Variants in APP observed in about 807,000 individuals in gnomAD.
The protein encoded by APP is amyloid beta precursor protein.
Under a neutral mutation model 101.4 loss-of-function variants are expected in APP, and 31 were observed. The observed-to-expected ratio is 0.31, with a 90% confidence interval of 0.23 to 0.41. The LOEUF (loss-of-function observed/expected upper bound fraction) is 0.41. Among genes scored for constraint, APP ranks in the 10% least tolerant of loss-of-function variants. The pLI is 1.00. For missense variants in APP, 839 were observed against 1,003.7 expected (o/e 0.84, Z 2.22); for synonymous variants, 366 against 364.4 (o/e 1.00, Z -0.05).
At chr21:26,160,562 A>G (rs1003073752) in intron 1 of APP, among the ~76,000 whole-genome samples, 1 of 152,168 alleles carries the variant, frequency 6.6e-6, no homozygotes, top group African/African-American at 2.4e-5. Flanking sequence ...GAAAAATACA[A>G]TTCTTTTAGA....
intron 1 of APP, among the ~76,000 whole-genome samples, chr21:26,164,777 A>C (rs1328841665): frequency 1.3e-5 from 2 of 150,260 alleles, no homozygotes; most frequent in Non-Finnish European, 3.0e-5. Flanking sequence ...AATCGCTTGA[A>C]CCCAGGAGGC....
chr21:26,015,932 C>T (rs1310428585), intron 6 of APP, among the ~76,000 whole-genome samples: 8 of 152,156 alleles, frequency 5.3e-5, no homozygotes, highest in African/African-American at 1.7e-4. Context: ...TGGGCTGTGC[C>T]TAATAAAACT....
chr21:25,891,943 A>G (rs1417785780), intron 16 of APP, 75 bp from the exon 17 acceptor site: 6 of 1,455,036 alleles, frequency 4.1e-6, no homozygotes, highest in Admixed American at 1.9e-5. Flanking sequence ...CGCAATTAGA[A>G]GAATTTCATT....
At chr21:26,073,393 T>C (rs1353576480) in intron 3 of APP, among the ~76,000 whole-genome samples, 1 of 151,804 alleles carries the variant, frequency 6.6e-6, no homozygotes, top group Non-Finnish European at 1.5e-5. Flanking sequence ...TGAGAGACTG[T>C]GGAGGACACA....
chr21:26,133,246 C>A (rs977729174), intron 1 of APP, among the ~76,000 whole-genome samples: 2 of 152,146 alleles, frequency 1.3e-5, no homozygotes, highest in Non-Finnish European at 2.9e-5. Flanking sequence ...AAAGACAAAA[C>A]AAAACAAAAC....
chr21:26,118,220 T>A (rs2062480327), intron 1 of APP, among the ~76,000 whole-genome samples: 1 of 152,136 alleles, frequency 6.6e-6, no homozygotes, highest in South Asian at 2.1e-4. Context: ...CTCGTGAAAT[T>A]AATAACCAAC....
chr21:26,115,491 A>T (rs1199277250), intron 1 of APP, among the ~76,000 whole-genome samples: 1 of 152,130 alleles, frequency 6.6e-6, no homozygotes, highest in East Asian at 1.9e-4. Flanking sequence ...CAAACAACTC[A>T]CGGCATCCTC....
At chr21:25,925,963 A>C (rs1320593757) in intron 13 of APP, among the ~76,000 whole-genome samples, 2 of 152,212 alleles carry the variant, frequency 1.3e-5, no homozygotes, top group East Asian at 3.9e-4. Flanking sequence ...AACAAACAAC[A>C]AACAAAAAAA....
chr21:26,079,649 A>C (rs1024791420), intron 3 of APP, among the ~76,000 whole-genome samples: 4 of 152,244 alleles, frequency 2.6e-5, no homozygotes, highest in Admixed American at 1.3e-4. Flanking sequence ...AAGTCCTGAA[A>C]ACTTGAGCCT....
intron 9 of APP, 71 bp downstream of exon 9, chr21:25,982,273 G>T (rs891404303): frequency 2.0e-6 from 3 of 1,499,494 alleles, no homozygotes; most frequent in Middle Eastern, 1.7e-4. Context: ...AGGCCTGTGG[G>T]GAGACTGAGG....
intron 8 of APP, among the ~76,000 whole-genome samples, chr21:25,982,974 C>T (rs978967393): frequency 2.1e-4 from 29 of 135,420 alleles, no homozygotes; most frequent in African/African-American, 2.0e-4. Flanking sequence ...AACTGAATTA[C>T]GAAGACAACC....
At chr21:25,955,517 G>A in intron 12 of APP, 110 bp downstream of exon 12, 1 of 1,511,514 alleles carries the variant, frequency 6.6e-7, no homozygotes, top group Non-Finnish European at 9.1e-7. Flanking sequence ...TCTTGCCATA[G>A]GGAAAACACC....
chr21:26,037,084 C>T (rs2045149554), intron 5 of APP, among the ~76,000 whole-genome samples: 1 of 152,150 alleles, frequency 6.6e-6, no homozygotes, highest in Non-Finnish European at 1.5e-5. Context: ...ATGGATGGAA[C>T]TGGAGGACAT....
chr21:25,909,236 C>T (rs958903399), intron 14 of APP, among the ~76,000 whole-genome samples: 1 of 138,430 alleles, frequency 7.2e-6, no homozygotes, highest in Non-Finnish European at 1.5e-5. Flanking sequence ...GCACTCCAGC[C>T]AGCCTGGGCG....
intron 5 of APP, among the ~76,000 whole-genome samples, chr21:26,028,415 T>A (rs1038648920): frequency 6.6e-6 from 1 of 152,066 alleles, no homozygotes; most frequent in African/African-American, 2.4e-5. Flanking sequence ...GGCATCTGAG[T>A]TGGCCGGAAG....
chr21:25,989,861 T>C (rs558927610), intron 8 of APP, among the ~76,000 whole-genome samples: 1 of 152,052 alleles, frequency 6.6e-6, no homozygotes, highest in African/African-American at 2.4e-5. Context: ...AACTTTAATC[T>C]TGAAACATGG....
At chr21:25,890,466 C>T (rs571677930) in intron 17 of APP, among the ~76,000 whole-genome samples, 6 of 152,230 alleles carry the variant, frequency 3.9e-5, no homozygotes, top group East Asian at 1.9e-4. Context: ...GGGGGCCAGA[C>T]GCGGTGGCTC....
chr21:26,028,711 C>CTAG (rs1170492091), intron 5 of APP, among the ~76,000 whole-genome samples: 1 of 152,174 alleles, frequency 6.6e-6, no homozygotes, highest in Non-Finnish European at 1.5e-5. Flanking sequence ...AAGCCAACCC[C>CTAG]TAGTAATTCA....
At chr21:26,104,782 A>C (rs1022980153) in intron 2 of APP, among the ~76,000 whole-genome samples, 6 of 152,338 alleles carry the variant, frequency 3.9e-5, no homozygotes, top group East Asian at 3.9e-4. Flanking sequence ...GTATACTGCA[A>C]AGCAATCCTT....
Sources: gnomAD v4.1 joint callset for allele counts (sites outside exome capture counted in the v4.1 genomes callset) on GRCh38, gnomAD v4.1.1 for gene constraint, MANE v1.5 for transcripts, NCBI Gene and HGNC (gene_info 2026-07-23, HGNC 2026-07-21) for gene names.